The following KAZN variants were observed in gnomAD, a reference collection of about 807,000 sequenced individuals.
KAZN encodes the protein kazrin, periplakin interacting protein.
In KAZN, 40 loss-of-function variants were observed where a neutral mutation model predicts 87.4. The observed-to-expected ratio is 0.46, with a 90% confidence interval of 0.36 to 0.60. KAZN has a LOEUF of 0.60. KAZN is among the 20% of genes least tolerant of loss of function. The pLI, the probability that KAZN is intolerant of heterozygous loss-of-function variation, is 0.00. For synonymous variants in KAZN, 466 were observed against 458.3 expected, an observed-to-expected ratio of 1.02 and a Z score of -0.22; for missense variants, 898 against 1,073.9, an observed-to-expected ratio of 0.84 and a Z score of 2.29.
chr1:14,301,586 G>A (rs1248303117), intron 2 of KAZN, among the ~76,000 whole-genome samples: 1 of 152,238 alleles, frequency 6.6e-6, no homozygotes, highest in Non-Finnish European at 1.5e-5. Context: ...GGCTCTGCCT[G>A]TTGGGAAATT....
chr1:13,965,339 C>A (rs986293115), intron 1 of KAZN, among the ~76,000 whole-genome samples: 1 of 152,080 alleles, frequency 6.6e-6, no homozygotes, highest in East Asian at 1.9e-4. Flanking sequence ...TGCCCCTAGA[C>A]GCTGTGGGAC....
At chr1:14,758,650 C>G (rs10803315) in intron 1 of KAZN, among the ~76,000 whole-genome samples, 78,677 of 151,940 alleles carry the variant, frequency 0.52, 20,988 homozygotes, top group Middle Eastern at 0.6. Flanking sequence ...TTGGCCAATG[C>G]GATACTAGCT....
chr1:14,395,876 T>G (rs754988552), intron 2 of KAZN, among the ~76,000 whole-genome samples: 2 of 152,016 alleles, frequency 1.3e-5, no homozygotes, highest in African/African-American at 4.8e-5. Context: ...TTGTACCTTT[T>G]TAAGACTTAA....
intron 1 of KAZN, among the ~76,000 whole-genome samples, chr1:14,076,081 A>T (rs572771542): frequency 6.6e-6 from 1 of 152,118 alleles, no homozygotes; most frequent in African/African-American, 2.4e-5. Flanking sequence ...GGAGATTGAG[A>T]CCATCCTGGC....
chr1:14,598,663 G>A, upstream of KAZN: 3 of 1,247,740 alleles, frequency 2.4e-6, no homozygotes, highest in Non-Finnish European at 3.0e-6. This position sits in a 1 kb window ranked among gnomAD's most constrained non-coding sequence, Gnocchi z 4.2. Context: ...CATTTAAAGA[G>A]TGCCTGGTGG....
intron 3 of KAZN, among the ~76,000 whole-genome samples, chr1:15,035,788 G>C (rs150074273): frequency 6.6e-6 from 1 of 152,166 alleles, no homozygotes; most frequent in Non-Finnish European, 1.5e-5. Context: ...GCAGTGAGCC[G>C]AGATCACCCC....
chr1:14,104,352 T>C (rs1484003975), intron 1 of KAZN, among the ~76,000 whole-genome samples: 2 of 152,198 alleles, frequency 1.3e-5, no homozygotes, highest in Non-Finnish European at 2.9e-5. Flanking sequence ...CAAGCGGTTA[T>C]CCACTCTGCC....
chr1:14,144,708 A>C (rs1400867772), intron 1 of KAZN, among the ~76,000 whole-genome samples: 1 of 152,224 alleles, frequency 6.6e-6, no homozygotes, highest in Non-Finnish European at 1.5e-5. Flanking sequence ...GAGCATCTGC[A>C]TCTGGTGAGG....
At chr1:15,080,858 G>C (rs149853511) in intron 8 of KAZN, among the ~76,000 whole-genome samples, 3 of 152,130 alleles carry the variant, frequency 2.0e-5, no homozygotes, top group Admixed American at 2.0e-4. Flanking sequence ...TGCTGGGGAC[G>C]CTGGGAGCAG....
At chr1:13,938,483 A>G (rs1418998312) in intron 1 of KAZN, among the ~76,000 whole-genome samples, 1 of 152,140 alleles carries the variant, frequency 6.6e-6, no homozygotes, top group African/African-American at 2.4e-5. Context: ...AGATAATTTG[A>G]CTTCCTCTTT....
chr1:14,507,641 T>C (rs1397004635), intron 2 of KAZN, among the ~76,000 whole-genome samples: 1 of 152,148 alleles, frequency 6.6e-6, no homozygotes, highest in Non-Finnish European at 1.5e-5. Context: ...GAAGGAGAGC[T>C]GTCTTTTCTT....
At chr1:14,273,959 G>A (rs1001408059) in intron 2 of KAZN, among the ~76,000 whole-genome samples, 4 of 152,270 alleles carry the variant, frequency 2.6e-5, no homozygotes, top group Middle Eastern at 3.4e-3. Context: ...AGTCATAGAA[G>A]AAGCCAAATT....
rs188973988 is a variant in KAZN, at chr1:14,076,710, G to C, written c.92-103725G>C. 5.2e-3 allele frequency among the ~76,000 whole-genome samples: 799 copies of C among 152,220 alleles called. 14 individuals carry two copies. Among genetic ancestry groups the C allele is most frequent in the African/African-American group, 0.018 (764 of 41,532 alleles). ...CCTATGGCTGCTTTCACCTGACCCC[G>C]GTGGAATTCAGTAATTGTGACAGAG... On this transcript the variant is annotated intron_variant, in intron 1 of 16. Transcript: ENST00000636203.
At chr1:14,823,233 CT>C (rs1452464634) in intron 1 of KAZN, among the ~76,000 whole-genome samples, 1 of 152,168 alleles carries the variant, frequency 6.6e-6, no homozygotes, top group Non-Finnish European at 1.5e-5. Flanking sequence ...CAACGAACAG[CT>C]TCAGTCAGGA....
intron 11 of KAZN, 110 bp downstream of exon 11, chr1:15,101,884 CCCAT>C: frequency 1.4e-6 from 1 of 698,714 alleles, no homozygotes; most frequent in Non-Finnish European, 2.5e-6. Flanking sequence ...CATCTGTCCA[CCCAT>C]CCATCCATCA....
chr1:15,114,221 G>T, intron 14 of KAZN: 1 of 435,444 alleles, frequency 2.3e-6, no homozygotes, highest in Non-Finnish European at 4.2e-6. Flanking sequence ...AACGATATTT[G>T]TCCTCACCCT....
At position 14,364,997 on chromosome 1, in the gene KAZN, C is replaced by T. The variant is rs188422570; in HGVS notation, c.249+184405C>T. Reference sequence around the variant, plus strand: ...GCCTTAAGTGATCTTCCCACCTTGACGTCCCAAAGTGCTGGAATTGTAGGC... The same window carrying T: ...GCCTTAAGTGATCTTCCCACCTTGATGTCCCAAAGTGCTGGAATTGTAGGC... On this transcript the variant is annotated intron_variant, in intron 2 of 16. Coordinates refer to the KAZN transcript ENST00000636203. Among the ~76,000 whole-genome samples, 12 of 151,278 alleles carry T rather than the reference C, an allele frequency of 7.9e-5. No homozygotes were observed. In the East Asian group the frequency reaches 2.0e-3, roughly 25 times the overall value.
At chr1:14,513,633 A>C (rs1295813716) in intron 2 of KAZN, among the ~76,000 whole-genome samples, 1 of 152,194 alleles carries the variant, frequency 6.6e-6, no homozygotes, top group Non-Finnish European at 1.5e-5. Context: ...AAGAGAAAAC[A>C]TGCCCTAAAT....
chr1:14,219,717 A>G (rs1647050645), intron 2 of KAZN, among the ~76,000 whole-genome samples: 1 of 152,194 alleles, frequency 6.6e-6, no homozygotes, highest in Non-Finnish European at 1.5e-5. Flanking sequence ...ATGGAAATTT[A>G]TTTCTGTCTG....
Sources: allele counts gnomAD v4.1 joint callset (sites outside exome capture counted in the v4.1 genomes callset), GRCh38; gene constraint gnomAD v4.1.1; non-coding constraint Gnocchi (gnomAD v3.1); transcripts MANE v1.5; gene names NCBI Gene and HGNC (gene_info 2026-07-23, HGNC 2026-07-21).